Variants in GPHN observed in about 807,000 individuals in gnomAD.
GPHN encodes gephyrin.
Under a neutral mutation model 95.5 loss-of-function variants are expected in GPHN, and 17 were observed. That is an observed-to-expected ratio of 0.18 (90% confidence interval 0.12 to 0.27). The LOEUF is 0.27. GPHN is among the 10% of genes least tolerant of loss of function. The pLI is 1.00. For synonymous variants in GPHN, 320 were observed against 322.5 expected (o/e 0.99, Z 0.08); for missense variants, 660 against 978.1 (o/e 0.67, Z 4.34).
At chr14:66,743,991 CACT>C (rs1188233177) in intron 2 of GPHN, among the ~76,000 whole-genome samples, 4 of 152,066 alleles carry the variant, frequency 2.6e-5, no homozygotes, top group African/African-American at 7.2e-5. Flanking sequence ...CTGTTATTTA[CACT>C]ACTACTTCTC....
chr14:67,410,875 G>A, the GPHN span, among the ~76,000 whole-genome samples: 7 of 152,110 alleles, frequency 4.6e-5, no homozygotes, highest in African/African-American at 7.2e-5. Context: ...GCTCTGTGTG[G>A]TGGCTCACGC....
the GPHN span, among the ~76,000 whole-genome samples, chr14:67,259,286 T>C: frequency 1.3e-5 from 2 of 152,048 alleles, no homozygotes; most frequent in African/African-American, 4.8e-5. Flanking sequence ...CCAAAGTGAA[T>C]GAAAGTAAAA....
At chr14:67,715,207 T>C in the GPHN span, 1 of 92,406 alleles carries the variant, frequency 1.1e-5, no homozygotes, top group East Asian at 3.1e-4. Context: ...CATAGCATAA[T>C]AGCCGTTAAA....
the GPHN span, chr14:67,642,237 A>G: frequency 1.2e-6 from 2 of 1,614,116 alleles, no homozygotes; most frequent in Non-Finnish European, 1.7e-6. Context: ...GTCCCCAAAG[A>G]TGATCTCTAC....
At chr14:67,275,543 C>T in the GPHN span, among the ~76,000 whole-genome samples, 9 of 152,084 alleles carry the variant, frequency 5.9e-5, no homozygotes, top group African/African-American at 1.2e-4. Flanking sequence ...TGAAGATTTT[C>T]GCATCGACAT....
the GPHN span, chr14:67,578,404 C>A: frequency 2.5e-6 from 2 of 805,136 alleles, no homozygotes; most frequent in Non-Finnish European, 4.1e-6. This position sits in a 1 kb window ranked among gnomAD's most constrained non-coding sequence, Gnocchi z 5.0. Flanking sequence ...AGTTGGCCAT[C>A]CCAGCACCCA....
chr14:67,322,110 C>T, the GPHN span, among the ~76,000 whole-genome samples: 2 of 152,040 alleles, frequency 1.3e-5, no homozygotes, highest in East Asian at 3.9e-4. Flanking sequence ...TTTTAGGACG[C>T]CAATGTGGGT....
At chr14:66,809,160 A>C (rs972487190) in intron 3 of GPHN, among the ~76,000 whole-genome samples, 9 of 152,172 alleles carry the variant, frequency 5.9e-5, no homozygotes, top group African/African-American at 2.2e-4. Context: ...TCTTATCAAA[A>C]TGGATTGATA....
the GPHN span, among the ~76,000 whole-genome samples, chr14:67,524,259 T>C: frequency 1.3e-5 from 2 of 152,180 alleles, no homozygotes; most frequent in Non-Finnish European, 2.9e-5. Context: ...GGCTCTGTTT[T>C]TACTGTTTAC....
At chr14:67,719,493 G>C in the GPHN span, among the ~76,000 whole-genome samples, 1 of 151,826 alleles carries the variant, frequency 6.6e-6, no homozygotes, top group East Asian at 1.9e-4. Context: ...CTTTTTTTTA[G>C]AGACAGGGTC....
chr14:67,142,010 A>G (rs548931634), intron 17 of GPHN, among the ~76,000 whole-genome samples: 1 of 152,322 alleles, frequency 6.6e-6, no homozygotes, highest in South Asian at 2.1e-4. Context: ...CAAAGAAGAC[A>G]TTTATGGAAG....
chr14:66,774,309 C>T (rs1294163753), intron 2 of GPHN, among the ~76,000 whole-genome samples: 1 of 152,070 alleles, frequency 6.6e-6, no homozygotes, highest in African/African-American at 2.4e-5. Flanking sequence ...GCCATATCTA[C>T]AAGGTTTTAA....
At chr14:67,651,477 T>C in the GPHN span, 3 of 1,613,716 alleles carry the variant, frequency 1.9e-6, no homozygotes, top group Non-Finnish European at 2.5e-6. Flanking sequence ...TTGTTGGTTG[T>C]CACTCTACAA....
chr14:67,676,302 CTT>C, the GPHN span, among the ~76,000 whole-genome samples: 5 of 152,282 alleles, frequency 3.3e-5, no homozygotes, highest in African/African-American at 1.2e-4. Context: ...ATTCAACACA[CTT>C]TGGTTAAGCT....
At chr14:67,494,950 T>C in the GPHN span, among the ~76,000 whole-genome samples, 3 of 152,178 alleles carry the variant, frequency 2.0e-5, no homozygotes, top group African/African-American at 4.8e-5. Flanking sequence ...TGTCTCTACA[T>C]AAAAATTTAA....
chr14:66,845,138 G>C (rs2062266703), intron 4 of GPHN, among the ~76,000 whole-genome samples: 1 of 152,116 alleles, frequency 6.6e-6, no homozygotes, highest in African/African-American at 2.4e-5. Context: ...GGTGGACACT[G>C]GGTTGTTTTC....
chr14:66,777,533 T>C (rs1397846254), intron 3 of GPHN, among the ~76,000 whole-genome samples: 3 of 152,116 alleles, frequency 2.0e-5, no homozygotes, highest in South Asian at 2.1e-4. Context: ...AAGAGAATTT[T>C]AGACCAATAT....
chr14:66,897,497 C>G (rs1294308898), intron 5 of GPHN, among the ~76,000 whole-genome samples: 1 of 152,038 alleles, frequency 6.6e-6, no homozygotes, highest in African/African-American at 2.4e-5. Context: ...TCACCCAGCC[C>G]CCCTTTCCTA....
At chr14:66,720,582 G>A (rs964634124) in intron 2 of GPHN, among the ~76,000 whole-genome samples, 7 of 152,210 alleles carry the variant, frequency 4.6e-5, no homozygotes, top group Admixed American at 1.3e-4. Flanking sequence ...ATTTGTTAAA[G>A]TCAACCTTAG....
Sources: allele counts gnomAD v4.1 joint callset (sites outside exome capture counted in the v4.1 genomes callset), GRCh38; gene constraint gnomAD v4.1.1; non-coding constraint Gnocchi (gnomAD v3.1); transcripts MANE v1.5; gene names NCBI Gene and HGNC (gene_info 2026-07-23, HGNC 2026-07-21).